ATXN7L1: variants seen among roughly 807,000 people sequenced by gnomAD.
The protein encoded by ATXN7L1 is ataxin 7 like 1.
Under a neutral mutation model 70.8 loss-of-function variants are expected in ATXN7L1, and 15 were observed. The observed-to-expected ratio is 0.21, with a 90% CI of 0.14 to 0.33. The LOEUF (loss-of-function observed/expected upper bound fraction) is 0.33. Ranked by LOEUF, ATXN7L1 falls within the 10% of genes least tolerant of loss-of-function variation. The pLI is 1.00. For synonymous variants in ATXN7L1, 440 were observed against 445.1 expected, an observed-to-expected ratio of 0.99 and a Z score of 0.14; for missense variants, 975 against 1,097.1, an observed-to-expected ratio of 0.89 and a Z score of 1.57.
chr7:105,742,686 A>G (rs960142161), intron 3 of ATXN7L1, among the ~76,000 whole-genome samples: 1 of 152,240 alleles, frequency 6.6e-6, no homozygotes. Context: ...GCACTTTCCA[A>G]ACACTGACAT....
At chr7:105,743,544 C>A (rs1012269843) in intron 3 of ATXN7L1, among the ~76,000 whole-genome samples, 6 of 152,032 alleles carry the variant, frequency 3.9e-5, no homozygotes, top group Non-Finnish European at 7.4e-5. Flanking sequence ...CTCCAAGGTT[C>A]CCTGTGCCAC....
At chr7:105,789,314 G>C (rs1378963584) in intron 2 of ATXN7L1, among the ~76,000 whole-genome samples, 1 of 152,224 alleles carries the variant, frequency 6.6e-6, no homozygotes, top group Non-Finnish European at 1.5e-5. Context: ...TAGGTGCTGG[G>C]AAAAACTGGG....
In ATXN7L1 at chr7:105,765,510, C is replaced by T. The variant is rs548941371; in HGVS notation, c.355+23094G>A. On this transcript the variant is annotated intron_variant, in intron 3 of 11. Transcript: ENST00000419735. ...GTCTGAAAGAGGCAGAAACAGGAAC[C>T]CAGACTCATCTCTTAACCCCAGGCA... Among the ~76,000 whole-genome samples, 5 of 152,162 alleles carry T rather than the reference C, an allele frequency of 3.3e-5. No individual in the cohort carries two copies. In the East Asian group the frequency reaches 9.7e-4, roughly 29 times the overall value.
intron 7 of ATXN7L1, among the ~76,000 whole-genome samples, chr7:105,630,173 C>T (rs941299578): frequency 1.1e-4 from 16 of 152,102 alleles, no homozygotes; most frequent in African/African-American, 3.6e-4. Context: ...TAGGTTGTTT[C>T]CATATCTTGG....
intron 2 of ATXN7L1, among the ~76,000 whole-genome samples, chr7:105,837,612 T>C (rs964504453): frequency 6.6e-6 from 1 of 152,126 alleles, no homozygotes; most frequent in African/African-American, 2.4e-5. Flanking sequence ...TCACTTGGCA[T>C]AGATGTATCA....
At chr7:105,800,213 A>G (rs1176354903) in intron 2 of ATXN7L1, among the ~76,000 whole-genome samples, 1 of 152,184 alleles carries the variant, frequency 6.6e-6, no homozygotes, top group Non-Finnish European at 1.5e-5. Context: ...GGCCAAAGAA[A>G]AAAGGGACAC....
chr7:105,769,373 G>A (rs1044643392), intron 3 of ATXN7L1, among the ~76,000 whole-genome samples: 1 of 152,090 alleles, frequency 6.6e-6, no homozygotes, highest in Non-Finnish European at 1.5e-5. Context: ...AACAGGCGAC[G>A]GCACACTATT....
intron 3 of ATXN7L1, among the ~76,000 whole-genome samples, chr7:105,775,061 G>A (rs1443228353): frequency 6.6e-6 from 1 of 152,140 alleles, no homozygotes; most frequent in Non-Finnish European, 1.5e-5. Flanking sequence ...TCATCATAGT[G>A]AAATGGTTTA....
chr7:105,690,059 C>T (rs1054518317), intron 3 of ATXN7L1, among the ~76,000 whole-genome samples: 3 of 152,232 alleles, frequency 2.0e-5, no homozygotes, highest in African/African-American at 7.2e-5. Flanking sequence ...GGCTGGAGTG[C>T]AATGGCGCGC....
chr7:105,871,069 A>T (rs1195154607), intron 2 of ATXN7L1, among the ~76,000 whole-genome samples: 1 of 147,982 alleles, frequency 6.8e-6, no homozygotes, highest in African/African-American at 2.5e-5. Flanking sequence ...AGATATTTTT[A>T]ATGTGAGGGC....
intron 3 of ATXN7L1, among the ~76,000 whole-genome samples, chr7:105,718,529 C>T (rs1001057546): frequency 2.0e-5 from 3 of 152,198 alleles, no homozygotes; most frequent in African/African-American, 7.2e-5. Context: ...GGTGTGTGTG[C>T]CTGGAGGCTC....
At chr7:105,702,844 C>T (rs1399437439) in intron 3 of ATXN7L1, among the ~76,000 whole-genome samples, 3 of 151,910 alleles carry the variant, frequency 2.0e-5, no homozygotes, top group Admixed American at 1.3e-4. Context: ...TGCCGCCGGG[C>T]GCAGTGGCTC....
intron 3 of ATXN7L1, among the ~76,000 whole-genome samples, chr7:105,667,565 G>A (rs1037462092): frequency 3.7e-5 from 5 of 134,366 alleles, no homozygotes; most frequent in Admixed American, 7.8e-5. Flanking sequence ...CGGGCGTAGT[G>A]GCGGGCGCCT....
At chr7:105,666,914 C>G (rs991490869) in intron 3 of ATXN7L1, among the ~76,000 whole-genome samples, 3 of 152,204 alleles carry the variant, frequency 2.0e-5, no homozygotes, top group Non-Finnish European at 4.4e-5. Context: ...CAGTTTACCA[C>G]TTAAACTTCC....
chr7:105,775,724 C>T (rs1320323979), intron 3 of ATXN7L1, among the ~76,000 whole-genome samples: 1 of 152,152 alleles, frequency 6.6e-6, no homozygotes, highest in Non-Finnish European at 1.5e-5. Flanking sequence ...TTTCTTTGCT[C>T]AGACACCAGA....
At chr7:105,819,594 G>C (rs540840812) in intron 2 of ATXN7L1, 1 of 934,216 alleles carries the variant, frequency 1.1e-6, no homozygotes, top group African/African-American at 1.6e-5. Context: ...GAAGGTGGAG[G>C]TCGTACGCTG....
chr7:105,783,562 A>G (rs916285263), intron 3 of ATXN7L1, among the ~76,000 whole-genome samples: 2 of 152,154 alleles, frequency 1.3e-5, no homozygotes, highest in Non-Finnish European at 2.9e-5. Flanking sequence ...TGGAACCTCC[A>G]AAAAACCCTA....
At chr7:105,658,197 A>C (rs1357048702) in intron 4 of ATXN7L1, among the ~76,000 whole-genome samples, 1 of 145,376 alleles carries the variant, frequency 6.9e-6, no homozygotes, top group Admixed American at 7.0e-5. Context: ...GGCCTGGGCG[A>C]CAGAGCTATA....
chr7:105,635,513 T>C (rs1202330981), intron 7 of ATXN7L1, among the ~76,000 whole-genome samples: 2 of 152,226 alleles, frequency 1.3e-5, no homozygotes, highest in African/African-American at 4.8e-5. Flanking sequence ...TTCACTCTGA[T>C]TAGCTCTGTT....
Sources: gnomAD v4.1 joint callset for allele counts (sites outside exome capture counted in the v4.1 genomes callset) on GRCh38, gnomAD v4.1.1 for gene constraint, MANE v1.5 for transcripts, NCBI Gene and HGNC (gene_info 2026-07-23, HGNC 2026-07-21) for gene names.